Variants in UBE2B observed in about 807,000 individuals in gnomAD.
The protein encoded by UBE2B is ubiquitin conjugating enzyme E2 B, also known as ubiquitin-conjugating enzyme E2 B.
In UBE2B, 11 loss-of-function variants were observed where a neutral mutation model predicts 24.6. The observed-to-expected ratio is 0.45, with a 90% CI of 0.28 to 0.74. The LOEUF is 0.74. UBE2B is among the 30% of genes least tolerant of loss of function. UBE2B has a pLI of 0.13. For synonymous variants in UBE2B, 68 were observed against 62.4 expected, an observed-to-expected ratio of 1.09 and a Z score of -0.42; for missense variants, 78 against 185.6, an observed-to-expected ratio of 0.42 and a Z score of 3.37.
intron 4 of UBE2B, 147 bp downstream of exon 4, chr5:134,380,955 ATTTTTTTTT>A (rs1186834088): frequency 6.0e-4 from 93 of 153,948 alleles, no homozygotes; most frequent in Middle Eastern, 2.4e-3. Flanking sequence ...TTTGTTGTGG[ATTTTTTTTT>A]TTTTTTTTTT....
rs760044522 is a variant in UBE2B at position 134,390,320 on chromosome 5, G to A, written c.426G>A (p.Ser142=). The change falls in exon 6 of 6, where the codon TCG becomes TCA. Residue 142 remains serine (S), a synonymous_variant. Coordinates refer to ENST00000265339, the MANE Select transcript of UBE2B (RefSeq NM_003337.4). This position sits in a 1 kb window ranked among gnomAD's most constrained non-coding sequence, Gnocchi z 4.6. ...ENKREYEKRV[S]AIVEQSWNDS ...AACGAGAATATGAGAAAAGAGTTTC[G>A]GCCATTGTTGAACAAAGCTGGAATG... 1.3e-5 allele frequency: 21 copies of A among 1,613,946 alleles called. No individual in the cohort carries two copies. Among genetic ancestry groups the A allele is most frequent in the Admixed American group, 5.0e-5 (3 of 59,992 alleles).
chr5:134,374,908 C>A (rs1281411691), intron 2 of UBE2B, among the ~76,000 whole-genome samples: 2 of 151,748 alleles, frequency 1.3e-5, no homozygotes, highest in African/African-American at 4.8e-5. Flanking sequence ...TGCCACTGCC[C>A]TCCAACATGG....
At chr5:134,376,362 T>TATATATATAC (rs1183340869) in intron 2 of UBE2B, among the ~76,000 whole-genome samples, 3 of 89,466 alleles carry the variant, frequency 3.4e-5, no homozygotes, top group South Asian at 4.1e-4. Flanking sequence ...TATATATATA[T>TATATATATAC]ATACACATAT....
chr5:134,373,532 T>C (rs1758534808), intron 1 of UBE2B, among the ~76,000 whole-genome samples: 1 of 152,214 alleles, frequency 6.6e-6, no homozygotes, highest in Non-Finnish European at 1.5e-5. Flanking sequence ...GTGCACAACG[T>C]GCAGGTTTGT....
At chr5:134,389,244 G>T (rs147943501) in intron 5 of UBE2B, among the ~76,000 whole-genome samples, 2 of 152,152 alleles carry the variant, frequency 1.3e-5, no homozygotes, top group African/African-American at 2.4e-5. Flanking sequence ...TACTGCACCA[G>T]GCCAGTTCTG....
rs1758877824 is a variant in UBE2B, at chr5:134,390,165, G to A, written c.331-60G>A. 1.3e-6 allele frequency: 2 copies of A among 1,599,332 alleles called. No individual in the cohort carries two copies. Among genetic ancestry groups the A allele is most frequent in the Non-Finnish European group, 1.7e-6 (2 of 1,170,238 alleles). On this transcript the variant is annotated intron_variant, in intron 5 of 5. Coordinates refer to ENST00000265339, the MANE Select transcript of UBE2B (RefSeq NM_003337.4). This position sits in a 1 kb window ranked among gnomAD's most constrained non-coding sequence, Gnocchi z 4.6. ...CTTTTCTGTAATATATTCCATATCT[G>A]ACCCCTGTTGGTATAAAGAACAACT...
intron 3 of UBE2B, 94 bp from the exon 4 acceptor site, chr5:134,380,625 G>A: frequency 1.4e-6 from 1 of 729,868 alleles, no homozygotes; most frequent in South Asian, 1.5e-5. Flanking sequence ...TAACTTTTAT[G>A]TGGTTGTACA....
At position 134,390,561 on chromosome 5, in the gene UBE2B, A is replaced by C; in HGVS notation, c.*208A>C. On this transcript the variant is annotated 3_prime_UTR_variant, in exon 6 of 6. Coordinates refer to ENST00000265339, the MANE Select transcript of UBE2B (RefSeq NM_003337.4). The surrounding 1 kb of genome is among the most constrained non-coding windows in gnomAD (Gnocchi z 4.6). ...GTGTGAACTAAGTTATTGCTGCATAAATTTGTAATATATCCTGTTTGTATT... is the reference window on the plus strand; with the variant it reads ...GTGTGAACTAAGTTATTGCTGCATACATTTGTAATATATCCTGTTTGTATT... 1 of 536,668 alleles carries C rather than the reference A, an allele frequency of 1.9e-6. No homozygotes were observed. Among genetic ancestry groups the C allele is most frequent in the East Asian group, 3.5e-5 (1 of 28,416 alleles). 33.2% of individuals were successfully genotyped at this position (536,668 alleles called of 1,614,324 possible).
In UBE2B at chr5:134,390,992, G is replaced by A. The variant is rs1295869524; in HGVS notation, c.*639G>A. The A allele has an allele frequency of 6.5e-6, 1 of 153,466 alleles. No homozygotes were observed. Among genetic ancestry groups the A allele is most frequent in the Non-Finnish European group, 1.5e-5 (1 of 68,722 alleles). 9.5% of individuals were successfully genotyped at this position (153,466 alleles called of 1,614,324 possible). A position where few individuals can be genotyped will look rare whatever the true frequency, so the allele number is the denominator to read the frequency against. ...CAATTGAGTAATTCTAGACATAACT[G>A]GTTTGACTCTGTCCAACTCTGTATT... On this transcript the variant is annotated 3_prime_UTR_variant, in exon 6 of 6. Coordinates refer to ENST00000265339, the MANE Select transcript of UBE2B (RefSeq NM_003337.4). The surrounding 1 kb of genome is among the most constrained non-coding windows in gnomAD (Gnocchi z 4.6).
At chr5:134,380,596 C>A in intron 3 of UBE2B, 123 bp from the exon 4 acceptor site, 1 of 644,516 alleles carries the variant, frequency 1.6e-6, no homozygotes. Flanking sequence ...TTTTGTATGC[C>A]GAACCAACGT....
chr5:134,383,315 T>A (rs1758740826), intron 4 of UBE2B, among the ~76,000 whole-genome samples: 1 of 152,052 alleles, frequency 6.6e-6, no homozygotes, highest in Non-Finnish European at 1.5e-5. Context: ...ATCTTAAAAA[T>A]TTTTTTGTTG....
chr5:134,387,357 T>C (rs1448792628), intron 4 of UBE2B, among the ~76,000 whole-genome samples: 1 of 152,178 alleles, frequency 6.6e-6, no homozygotes, highest in Admixed American at 6.5e-5. Flanking sequence ...AATTGCTATG[T>C]CAAAAATAAG....
chr5:134,374,946 C>CAA (rs200071902), intron 2 of UBE2B, among the ~76,000 whole-genome samples: 26 of 140,432 alleles, frequency 1.9e-4, no homozygotes, highest in African/African-American at 6.5e-4. Flanking sequence ...GATCCTGTAT[C>CAA]AAAAAAAAAA....
chr5:134,384,730 G>T (rs1758767935), intron 4 of UBE2B, among the ~76,000 whole-genome samples: 2 of 151,894 alleles, frequency 1.3e-5, no homozygotes, highest in Non-Finnish European at 2.9e-5. Context: ...CCAAGCTGTT[G>T]ACCCACTTAA....
At chr5:134,380,591 T>C (rs1213128860) in intron 3 of UBE2B, 128 bp from the exon 4 acceptor site, 1 of 633,332 alleles carries the variant, frequency 1.6e-6, no homozygotes, top group East Asian at 2.9e-5. Flanking sequence ...GGATGTTTTG[T>C]ATGCCGAACC....
chr5:134,382,674 C>T (rs968012970), intron 4 of UBE2B, among the ~76,000 whole-genome samples: 2 of 149,208 alleles, frequency 1.3e-5, no homozygotes, highest in African/African-American at 4.9e-5. Context: ...CTAGGGAGGC[C>T]GAGGTGGGAG....
chr5:134,384,271 G>A (rs371940941), intron 4 of UBE2B, among the ~76,000 whole-genome samples: 4 of 152,210 alleles, frequency 2.6e-5, no homozygotes, highest in South Asian at 4.1e-4. Context: ...GTTTGTGTCT[G>A]GAATCAAGGT....
chr5:134,383,517 C>G (rs567226769), intron 4 of UBE2B, among the ~76,000 whole-genome samples: 168 of 119,202 alleles, frequency 1.4e-3, no homozygotes, highest in African/African-American at 5.4e-3. Context: ...GAGTCTTGCT[C>G]TATCGGCCAG....
chr5:134,385,886 G>A (rs771786800), intron 4 of UBE2B, among the ~76,000 whole-genome samples: 1 of 152,008 alleles, frequency 6.6e-6, no homozygotes, highest in African/African-American at 2.4e-5. Context: ...GGTGATGTGT[G>A]CCTGTAATCC....
Sources: gnomAD v4.1 joint callset for allele counts (sites outside exome capture counted in the v4.1 genomes callset) on GRCh38, gnomAD v4.1.1 for gene constraint, Gnocchi (gnomAD v3.1) non-coding constraint, MANE v1.5 for transcripts, NCBI Gene and HGNC (gene_info 2026-07-23, HGNC 2026-07-21) for gene names.